The following GRID2 variants were observed in gnomAD, a reference collection of about 807,000 sequenced individuals.
GRID2 encodes the protein glutamate receptor ionotropic, delta-2.
Under a neutral mutation model 114.8 loss-of-function variants are expected in GRID2, and 33 were observed. The observed-to-expected ratio is 0.29, with a 90% CI of 0.22 to 0.38. The LOEUF is 0.38. Among genes scored for constraint, GRID2 ranks in the 10% least tolerant of loss-of-function variants. The pLI, the probability that GRID2 is intolerant of heterozygous loss-of-function variation, is 1.00. For synonymous variants in GRID2, 505 were observed against 449.9 expected (o/e 1.12, Z -1.55); for missense variants, 1,184 against 1,257.7 (o/e 0.94, Z 0.89).
At chr4:93,201,067 T>C (rs770196729) in intron 4 of GRID2, among the ~76,000 whole-genome samples, 2 of 152,168 alleles carry the variant, frequency 1.3e-5, no homozygotes, top group Non-Finnish European at 2.9e-5. Flanking sequence ...AAAGTCACAC[T>C]CAGAAAATAA....
intron 2 of GRID2, among the ~76,000 whole-genome samples, chr4:93,010,113 G>C (rs17020087): frequency 1.3e-5 from 2 of 151,966 alleles, no homozygotes; most frequent in Non-Finnish European, 2.9e-5. Context: ...TTTGATATGC[G>C]TAGTAGGAGG....
intron 1 of GRID2, among the ~76,000 whole-genome samples, chr4:92,463,455 A>T (rs1405473557): frequency 2.0e-5 from 3 of 152,008 alleles, no homozygotes; most frequent in Admixed American, 1.3e-4. Flanking sequence ...CATCATTCAG[A>T]CAACTTTTGG....
chr4:92,753,798 C>T (rs1446624695), intron 2 of GRID2, among the ~76,000 whole-genome samples: 2 of 151,812 alleles, frequency 1.3e-5, no homozygotes, highest in Non-Finnish European at 2.9e-5. Context: ...AAAATGACTC[C>T]CCAATGAACA....
At chr4:93,184,056 C>T (rs1740157638) in intron 4 of GRID2, among the ~76,000 whole-genome samples, 1 of 152,142 alleles carries the variant, frequency 6.6e-6, no homozygotes, top group South Asian at 2.1e-4. Context: ...GAAGTGAAGC[C>T]TTCCCAGTAA....
At chr4:92,748,914 G>T (rs376578053) in intron 2 of GRID2, among the ~76,000 whole-genome samples, 5 of 151,806 alleles carry the variant, frequency 3.3e-5, no homozygotes, top group Non-Finnish European at 7.4e-5. Flanking sequence ...TCTGCCTACC[G>T]CAGCCTCCCA....
chr4:93,766,576 G>A (rs1221385952), intron 14 of GRID2, among the ~76,000 whole-genome samples: 1 of 152,188 alleles, frequency 6.6e-6, no homozygotes, highest in Non-Finnish European at 1.5e-5. Context: ...ATGCAAATAG[G>A]AGAGCAGGAT....
At chr4:92,700,730 C>T (rs187126503) in intron 2 of GRID2, among the ~76,000 whole-genome samples, 4 of 152,198 alleles carry the variant, frequency 2.6e-5, no homozygotes, top group Non-Finnish European at 2.9e-5. Context: ...CGGTGGCTCA[C>T]GCCTGTAATC....
chr4:92,604,193 T>A (rs900276477), intron 2 of GRID2, among the ~76,000 whole-genome samples: 3 of 152,166 alleles, frequency 2.0e-5, no homozygotes, highest in African/African-American at 7.2e-5. Context: ...ACTGGGTATA[T>A]ACCCAAAGGA....
intron 2 of GRID2, among the ~76,000 whole-genome samples, chr4:92,956,316 A>T (rs1356137154): frequency 1.3e-5 from 2 of 152,178 alleles, no homozygotes; most frequent in Non-Finnish European, 2.9e-5. Context: ...ATTTTTAATG[A>T]CATATATGCA....
intron 2 of GRID2, among the ~76,000 whole-genome samples, chr4:92,853,125 T>G (rs959451142): frequency 3.3e-5 from 5 of 151,958 alleles, no homozygotes; most frequent in African/African-American, 9.7e-5. Context: ...TGATCCACAT[T>G]TAGCTGAGTG....
chr4:93,770,267 CA>C (rs1734003053), intron 15 of GRID2, among the ~76,000 whole-genome samples: 1 of 152,110 alleles, frequency 6.6e-6, no homozygotes. Context: ...CAAATTGAAA[CA>C]AAAACCAATC....
At chr4:93,509,333 G>A (rs1390632847) in intron 12 of GRID2, among the ~76,000 whole-genome samples, 1 of 152,024 alleles carries the variant, frequency 6.6e-6, no homozygotes, top group African/African-American at 2.4e-5. Flanking sequence ...TAGATGAGGT[G>A]GGGAAGTTAA....
intron 13 of GRID2, among the ~76,000 whole-genome samples, chr4:93,563,842 G>A (rs1735145838): frequency 6.6e-6 from 1 of 151,826 alleles, no homozygotes; most frequent in South Asian, 2.1e-4. Flanking sequence ...GATTTAGTTT[G>A]CTCACATTTA....
At chr4:92,869,634 C>T in intron 2 of GRID2, among the ~76,000 whole-genome samples, 1 of 152,154 alleles carries the variant, frequency 6.6e-6, no homozygotes, top group East Asian at 1.9e-4. Context: ...GACATTATCC[C>T]AGCTGAAAAC....
chr4:92,822,607 C>T (rs561407884), intron 2 of GRID2: 4 of 229,480 alleles, frequency 1.7e-5, no homozygotes, highest in Middle Eastern at 1.5e-3. Context: ...ACACTCAACA[C>T]GTCCTTGGTA....
intron 2 of GRID2, among the ~76,000 whole-genome samples, chr4:92,717,847 T>G (rs1009506): frequency 6.6e-6 from 1 of 152,178 alleles, no homozygotes; most frequent in Admixed American, 6.6e-5. Context: ...GCTCCAGAAT[T>G]ACACTTGTTT....
At chr4:92,581,057 T>C (rs1728161545) in intron 1 of GRID2, among the ~76,000 whole-genome samples, 1 of 151,924 alleles carries the variant, frequency 6.6e-6, no homozygotes, top group Non-Finnish European at 1.5e-5. Context: ...AGAAAGAGAC[T>C]GCAACATAGC....
intron 10 of GRID2, among the ~76,000 whole-genome samples, chr4:93,424,198 G>T: frequency 6.7e-6 from 1 of 149,918 alleles, no homozygotes. Flanking sequence ...AATATTTATT[G>T]TCTTTTAAAG....
At chr4:93,583,467 A>G (rs989787493) in intron 13 of GRID2, among the ~76,000 whole-genome samples, 3 of 152,124 alleles carry the variant, frequency 2.0e-5, no homozygotes, top group Admixed American at 2.0e-4. Context: ...CTAAATGATA[A>G]TGAGAGGAAG....
Sources: gnomAD v4.1 joint callset for allele counts (sites outside exome capture counted in the v4.1 genomes callset) on GRCh38, gnomAD v4.1.1 for gene constraint, MANE v1.5 for transcripts, NCBI Gene and HGNC (gene_info 2026-07-23, HGNC 2026-07-21) for gene names.